Variants in SLC35F1 observed in about 807,000 individuals in gnomAD.
SLC35F1 encodes the protein solute carrier family 35 member F1, also known as chromosome 6 open reading frame 169.
SLC35F1 carries 14 observed loss-of-function variants against 48.7 expected under a neutral mutation model. The ratio of observed to expected loss-of-function variants is 0.29; its 90% CI spans 0.19 to 0.45. SLC35F1 has a LOEUF of 0.45. Among genes scored for constraint, SLC35F1 ranks in the 20% least tolerant of loss-of-function variants. SLC35F1 has a pLI of 1.00. For missense variants in SLC35F1, 404 were observed against 500.0 expected (o/e 0.81, Z 1.83); for synonymous variants, 190 against 202.2 (o/e 0.94, Z 0.51).
At position 118,314,104 on chromosome 6, in the gene SLC35F1, T is replaced by G; in HGVS notation, c.1079T>G (p.Ile360Arg). Residue 360 changes from isoleucine to arginine, a missense_variant, in exon 8 of 8, where the codon ATA (isoleucine) becomes AGA (arginine). Physicochemically the swap from Ile to Arg is moderately conservative, Grantham distance 97. Coordinates refer to ENST00000360388, the MANE Select transcript of SLC35F1 (RefSeq NM_001029858.4). ...LVLYSSTSTY[I>R]AQDPRVYKQF... Reference sequence around the variant, plus strand: ...CTCTACTCCTCCACCTCCACCTACATAGCCCAGGACCCCCGAGTGTATAAG... The same window carrying G: ...CTCTACTCCTCCACCTCCACCTACAGAGCCCAGGACCCCCGAGTGTATAAG... 2 of 1,614,112 alleles carry G rather than the reference T, an allele frequency of 1.2e-6. No individual in the cohort carries two copies. The highest frequency in any genetic ancestry group is 1.7e-6 in the Non-Finnish European group (2 of 1,180,000).
chr6:118,029,224 G>T (rs1772004848), intron 1 of SLC35F1, among the ~76,000 whole-genome samples: 1 of 152,004 alleles, frequency 6.6e-6, no homozygotes, highest in South Asian at 2.1e-4. Context: ...CTTAGAAAAA[G>T]TCATTGGTGA....
At chr6:118,159,696 G>T (rs1391779414) in intron 2 of SLC35F1, among the ~76,000 whole-genome samples, 1 of 152,210 alleles carries the variant, frequency 6.6e-6, no homozygotes, top group Non-Finnish European at 1.5e-5. Flanking sequence ...CTTTTGTGAT[G>T]TAAGAGTAAG....
chr6:118,056,733 T>A (rs563518825), intron 1 of SLC35F1, among the ~76,000 whole-genome samples: 4 of 152,314 alleles, frequency 2.6e-5, no homozygotes, highest in African/African-American at 7.2e-5. Context: ...AAATCAGTTG[T>A]CTTTATACAA....
intron 2 of SLC35F1, among the ~76,000 whole-genome samples, chr6:118,163,512 C>T (rs1253547040): frequency 1.3e-5 from 2 of 152,012 alleles, no homozygotes; most frequent in Non-Finnish European, 2.9e-5. Context: ...GAATGTCTTC[C>T]TGATTCTTTT....
chr6:118,315,274 C>T lies in SLC35F1; in HGVS notation c.*1022C>T, dbSNP rs1422935737. The T allele has an allele frequency of 6.6e-6, 1 of 152,468 alleles. No homozygotes were observed. Among genetic ancestry groups the T allele is most frequent in the Non-Finnish European group, 1.5e-5 (1 of 68,024 alleles). 9.4% of individuals were successfully genotyped at this position (152,468 alleles called of 1,614,324 possible). On this transcript the variant is annotated 3_prime_UTR_variant, in exon 8 of 8. Coordinates refer to ENST00000360388, the MANE Select transcript of SLC35F1 (RefSeq NM_001029858.4). ...TATTGTGGAAAATCATTGGTTGTGC[C>T]ACCTCCTAACAAAGTCAAGGTGCTG...
chr6:118,151,484 G>T (rs545397946), intron 1 of SLC35F1, among the ~76,000 whole-genome samples: 1 of 152,124 alleles, frequency 6.6e-6, no homozygotes, highest in South Asian at 2.1e-4. Context: ...TTTGTCAGTA[G>T]ATATTATACT....
At chr6:118,202,454 A>G (rs1774884040) in intron 2 of SLC35F1, among the ~76,000 whole-genome samples, 1 of 152,174 alleles carries the variant, frequency 6.6e-6, no homozygotes, top group Admixed American at 6.5e-5. Flanking sequence ...CTATGTTTGC[A>G]CCACTGCATT....
rs533009931 is a variant in SLC35F1, at chr6:118,105,265, G to A, written c.174-49180G>A. On this transcript the variant is annotated intron_variant, in intron 1 of 7. Transcript: ENST00000360388. Reference sequence around the variant, plus strand: ...GAAGACTTTGGTAATTGGTTCACAAGCCTCATCTCGATCTTAAGTAAAGTT... The same window carrying A: ...GAAGACTTTGGTAATTGGTTCACAAACCTCATCTCGATCTTAAGTAAAGTT... Among the ~76,000 whole-genome samples, 7 of 152,256 alleles carry A rather than the reference G, an allele frequency of 4.6e-5. No individual in the cohort carries two copies. The East Asian group carries it at 1.4e-3, about 29-fold the overall frequency.
chr6:118,180,827 GC>G (rs1247969387), intron 2 of SLC35F1, among the ~76,000 whole-genome samples: 3 of 152,056 alleles, frequency 2.0e-5, no homozygotes, highest in Non-Finnish European at 4.4e-5. Flanking sequence ...AGACACAAAT[GC>G]CTAGGTTCTG....
rs73521515 is a variant in SLC35F1, at chr6:118,007,516, G to C, written c.173+99617G>C. Among the ~76,000 whole-genome samples the C allele has an allele frequency of 2.0e-3, 307 of 152,180 alleles. 1 individual carries two copies. Among genetic ancestry groups the C allele is most frequent in the African/African-American group, 7.2e-3 (299 of 41,522 alleles). Reference sequence around the variant, plus strand: ...TATTATGTGATGGCTCATGTTCCAAGCATACCCCTGAGTTCAATCATTGTA... The same window carrying C: ...TATTATGTGATGGCTCATGTTCCAACCATACCCCTGAGTTCAATCATTGTA... On this transcript the variant is annotated intron_variant, in intron 1 of 7. Coordinates refer to ENST00000360388, the MANE Select transcript of SLC35F1 (RefSeq NM_001029858.4).
intron 1 of SLC35F1, among the ~76,000 whole-genome samples, chr6:118,011,649 T>A (rs1298420073): frequency 6.6e-6 from 1 of 152,202 alleles, no homozygotes; most frequent in Admixed American, 6.6e-5. Context: ...AATCTGATGC[T>A]GCTGCTAATC....
At chr6:118,221,049 A>T (rs1775140437) in intron 2 of SLC35F1, among the ~76,000 whole-genome samples, 2 of 152,182 alleles carry the variant, frequency 1.3e-5, no homozygotes, top group South Asian at 4.1e-4. Flanking sequence ...GGCAGGAACC[A>T]TAATTCAAAT....
At chr6:118,197,140 A>G (rs1774813042) in intron 2 of SLC35F1, among the ~76,000 whole-genome samples, 1 of 152,192 alleles carries the variant, frequency 6.6e-6, no homozygotes, top group Admixed American at 6.5e-5. Flanking sequence ...ATAAGAAAAA[A>G]ATTCTAAGTG....
intron 6 of SLC35F1, among the ~76,000 whole-genome samples, chr6:118,280,204 C>T (rs147620005): frequency 6.6e-6 from 1 of 152,090 alleles, no homozygotes; most frequent in Non-Finnish European, 1.5e-5. Context: ...AATGTATGAT[C>T]GAATACAGCT....
chr6:117,995,612 G>A (rs1776975318), intron 1 of SLC35F1, among the ~76,000 whole-genome samples: 1 of 152,058 alleles, frequency 6.6e-6, no homozygotes, highest in Admixed American at 6.6e-5. Context: ...GTGGTCGTGG[G>A]CACCTGTAAT....
chr6:118,270,871 G>C (rs1284178385), intron 4 of SLC35F1, among the ~76,000 whole-genome samples: 2 of 152,142 alleles, frequency 1.3e-5, no homozygotes, highest in Non-Finnish European at 2.9e-5. Flanking sequence ...GGATATAAAA[G>C]GCAAGGTTAG....
intron 2 of SLC35F1, among the ~76,000 whole-genome samples, chr6:118,198,019 T>C (rs566690518): frequency 6.6e-6 from 1 of 152,208 alleles, no homozygotes; most frequent in African/African-American, 2.4e-5. Flanking sequence ...TTCTATATCA[T>C]TGATACTCTG....
chr6:118,302,691 A>G (rs1164670900), intron 7 of SLC35F1, among the ~76,000 whole-genome samples: 1 of 152,212 alleles, frequency 6.6e-6, no homozygotes, highest in African/African-American at 2.4e-5. Flanking sequence ...ACATTAGACA[A>G]TTTAATTTTT....
intron 3 of SLC35F1, among the ~76,000 whole-genome samples, chr6:118,237,882 AT>A (rs1775385802): frequency 6.6e-6 from 1 of 152,184 alleles, no homozygotes; most frequent in African/African-American, 2.4e-5. Flanking sequence ...CTTATTGTAT[AT>A]TTCTATGATA....
Sources: allele counts gnomAD v4.1 joint callset (sites outside exome capture counted in the v4.1 genomes callset), GRCh38; gene constraint gnomAD v4.1.1; transcripts MANE v1.5; gene names NCBI Gene and HGNC (gene_info 2026-07-23, HGNC 2026-07-21).